Variants in SLC9A4 observed in about 807,000 individuals in gnomAD.
The protein encoded by SLC9A4 is sodium/hydrogen exchanger 4.
A neutral mutation model predicts 67.4 loss-of-function variants in SLC9A4; 63 were observed. The observed-to-expected ratio is 0.93, with a 90% CI of 0.76 to 1.15. The LOEUF (loss-of-function observed/expected upper bound fraction) is 1.15, where lower values mean the gene tolerates loss of function less well. Among genes scored for constraint, SLC9A4 ranks in the 50% most tolerant of loss-of-function variants. The probability of loss-of-function intolerance (pLI) is 0.00; values close to 1 mark genes in which losing one functional copy is unlikely to be tolerated. For missense variants in SLC9A4, 1,089 were observed against 987.7 expected, an observed-to-expected ratio of 1.10 and a Z score of -1.38; for synonymous variants, 393 against 367.2, an observed-to-expected ratio of 1.07 and a Z score of -0.80.
At chr2:102,492,811 T>C (rs1426652364) in intron 2 of SLC9A4, among the ~76,000 whole-genome samples, 8 of 152,252 alleles carry the variant, frequency 5.3e-5, no homozygotes, top group Non-Finnish European at 1.0e-4. Flanking sequence ...TTTTTTTCTT[T>C]TTTAGCTCAT....
Position 102,532,904 on chromosome 2 carries a change from T to G in SLC9A4, c.*216T>G. The stretch of plus-strand genomic sequence containing the variant: ...TTATTGTGGGGTACCTTTAGATGAA[T>G]TCCCTGTGAGTGAGAGAAGTTGATC... On this transcript the variant is annotated 3_prime_UTR_variant, in exon 12 of 12. Transcript: ENST00000295269. 1 of 472,114 alleles carries G rather than the reference T, an allele frequency of 2.1e-6. No individual in the cohort carries two copies. Among genetic ancestry groups the G allele is most frequent in the African/African-American group, 1.9e-5 (1 of 51,952 alleles). 29.2% of individuals were successfully genotyped at this position (472,114 alleles called of 1,614,324 possible).
chr2:102,531,680 A>C (rs1227687446), intron 11 of SLC9A4, among the ~76,000 whole-genome samples: 2 of 152,228 alleles, frequency 1.3e-5, no homozygotes, highest in Non-Finnish European at 2.9e-5. Context: ...ATTCAATGGC[A>C]TGATATATTT....
intron 9 of SLC9A4, among the ~76,000 whole-genome samples, chr2:102,520,400 C>T (rs1239847420): frequency 6.6e-6 from 1 of 152,058 alleles, no homozygotes; most frequent in Non-Finnish European, 1.5e-5. Context: ...TGAATAAATG[C>T]CTGAATAAAA....
At chr2:102,493,835 T>G (rs752194532) in intron 2 of SLC9A4, among the ~76,000 whole-genome samples, 1 of 151,880 alleles carries the variant, frequency 6.6e-6, no homozygotes, top group Non-Finnish European at 1.5e-5. Flanking sequence ...ATTATGTTTG[T>G]GACAGAAAAA....
intron 2 of SLC9A4, among the ~76,000 whole-genome samples, chr2:102,489,314 T>C (rs879308524): frequency 6.6e-6 from 1 of 152,040 alleles, no homozygotes; most frequent in African/African-American, 2.4e-5. Context: ...AGGTGGATGA[T>C]AGTATTAGGT....
intron 2 of SLC9A4, among the ~76,000 whole-genome samples, chr2:102,483,841 T>TATATATATATATACAC (rs370126753): frequency 2.4e-5 from 3 of 126,782 alleles, no homozygotes; most frequent in African/African-American, 9.3e-5. Context: ...TATATATATA[T>TATATATATATATACAC]ACACACACAC....
chr2:102,501,243 T>A (rs1684933781), intron 2 of SLC9A4, among the ~76,000 whole-genome samples: 1 of 151,984 alleles, frequency 6.6e-6, no homozygotes, highest in Admixed American at 6.6e-5. Flanking sequence ...TGCCTCAGTC[T>A]CCTAAGTAGC....
intron 2 of SLC9A4, among the ~76,000 whole-genome samples, chr2:102,502,119 G>A (rs1007723593): frequency 2.6e-5 from 4 of 152,040 alleles, no homozygotes; most frequent in African/African-American, 7.3e-5. Flanking sequence ...CTGTGATTTC[G>A]CAGGACTCTT....
At position 102,532,360 on chromosome 2, in the gene SLC9A4, C is replaced by T. The variant is rs759168101; in HGVS notation, c.2069C>T (p.Ser690Phe). 6.2e-7 allele frequency: 1 copy of T among 1,613,734 alleles called. No individual in the cohort carries two copies. The highest frequency in any genetic ancestry group is 1.7e-5 in the Admixed American group (1 of 59,984). The change falls in exon 12 of 12, where the codon TCC (serine) becomes TTC (phenylalanine). Residue 690 changes from serine to phenylalanine, a missense_variant. Physicochemically the swap from Ser to Phe is radical, Grantham distance 155 (BLOSUM62 -2). Transcript: ENST00000295269. The part of the protein sequence containing the change: ...DDDSSDPGSP[S>F]ITFSACSRIG... Reference sequence around the variant, plus strand: ...GACAGCAGTGATCCAGGATCCCCATCCATCACGTTCAGCGCATGCTCTCGG... The same window carrying T: ...GACAGCAGTGATCCAGGATCCCCATTCATCACGTTCAGCGCATGCTCTCGG...
chr2:102,521,884 AGTTTGACT>A lies in SLC9A4; in HGVS notation c.1818+1930_1818+1937del, dbSNP rs1349464263. On this transcript the variant is annotated intron_variant, in intron 9 of 11. Transcript: ENST00000295269. ...CAGAGCAGGACCAGGATGAATGCAGAGTTTGACTCTGGGCGACCCTAATGCACAGTTGA... is the reference window on the plus strand; with the variant it reads ...CAGAGCAGGACCAGGATGAATGCAGACTGGGCGACCCTAATGCACAGTTGA... Among the ~76,000 whole-genome samples, 17 of 152,290 alleles carry A rather than the reference AGTTTGACT, an allele frequency of 1.1e-4. 2 individuals carry two copies. In the Middle Eastern group the frequency reaches 0.014, roughly 122 times the overall value.
rs185729060 is a variant in SLC9A4, at chr2:102,505,679, T to C, written c.1198+208T>C. On this transcript the variant is annotated intron_variant, in intron 4 of 11. Coordinates refer to ENST00000295269, the MANE Select transcript of SLC9A4 (RefSeq NM_001011552.4). The stretch of plus-strand genomic sequence containing the variant: ...AATTAGTGGTTGATAAGGTTCTGCA[T>C]TGAAGCAAGGCTGGGGCAAGGAGTA... 1.6e-4 allele frequency: 85 copies of C among 526,444 alleles called. 1 individual carries two copies. Among genetic ancestry groups the C allele is most frequent in the East Asian group, 1.0e-3 (35 of 34,152 alleles). 32.6% of individuals were successfully genotyped at this position (526,444 alleles called of 1,614,324 possible).
rs1401020907 is a variant in SLC9A4 at position 102,532,932 on chromosome 2, C to T, written c.*244C>T. 2.5e-6 allele frequency: 1 copy of T among 394,044 alleles called. No individual in the cohort carries two copies. The highest frequency in any genetic ancestry group is 4.6e-6 in the Non-Finnish European group (1 of 218,594). The allele number at this position is 394,044 out of a possible 1,614,324, so 24.4% of individuals were successfully genotyped here. A position where few individuals can be genotyped will look rare whatever the true frequency, so the allele number is the denominator to read the frequency against. ...CCTGTGAGTGAGAGAAGTTGATCACCCCAGGAATTAGTCACTAAGAATTCC... is the reference window on the plus strand; with the variant it reads ...CCTGTGAGTGAGAGAAGTTGATCACTCCAGGAATTAGTCACTAAGAATTCC... On this transcript the variant is annotated 3_prime_UTR_variant, in exon 12 of 12. Coordinates refer to ENST00000295269, the MANE Select transcript of SLC9A4 (RefSeq NM_001011552.4).
At chr2:102,481,312 A>G (rs1197454102) in intron 2 of SLC9A4, among the ~76,000 whole-genome samples, 1 of 152,182 alleles carries the variant, frequency 6.6e-6, no homozygotes, top group East Asian at 1.9e-4. Context: ...GACAAGGGAC[A>G]TTGTTTCCTT....
intron 1 of SLC9A4, among the ~76,000 whole-genome samples, chr2:102,474,816 T>G (rs1032110438): frequency 2.0e-5 from 3 of 152,250 alleles, no homozygotes; most frequent in African/African-American, 7.2e-5. Context: ...ATGCCTCCTT[T>G]GCCTCAGCTA....
At position 102,532,391 on chromosome 2, in the gene SLC9A4, G is replaced by T. The variant is rs75891521; in HGVS notation, c.2100G>T (p.Gly700=). 6.2e-7 allele frequency: 1 copy of T among 1,614,178 alleles called. No individual in the cohort carries two copies. Among genetic ancestry groups the T allele is most frequent in the East Asian group, 2.2e-5 (1 of 44,884 alleles). The change falls in exon 12 of 12, where the codon GGG becomes GGT. Residue 700 remains glycine, a synonymous_variant. Coordinates refer to ENST00000295269, the MANE Select transcript of SLC9A4 (RefSeq NM_001011552.4). The part of the protein sequence containing the change: ...SITFSACSRI[G]SLQKQEAQEI... ...CGTTCAGCGCATGCTCTCGGATAGG[G>T]TCACTTCAGAAGCAAGAGGCACAAG...
intron 8 of SLC9A4, among the ~76,000 whole-genome samples, chr2:102,516,654 T>G (rs1685283621): frequency 6.6e-6 from 1 of 152,214 alleles, no homozygotes; most frequent in South Asian, 2.1e-4. Context: ...TGATGTTGAT[T>G]TTTTGGAATC....
At chr2:102,501,878 G>C (rs2072509) in intron 2 of SLC9A4, among the ~76,000 whole-genome samples, 107,036 of 151,062 alleles carry the variant, frequency 0.71, 38,610 homozygotes, top group Middle Eastern at 0.77. Flanking sequence ...AGCAGAAGGC[G>C]TGGGTGAGCC....
intron 2 of SLC9A4, among the ~76,000 whole-genome samples, chr2:102,482,828 C>T (rs778027641): frequency 1.3e-4 from 20 of 152,212 alleles, no homozygotes; most frequent in Non-Finnish European, 2.4e-4. Context: ...CTTTAATTTT[C>T]ACAGCATATT....
chr2:102,507,265 C>A (rs976573197), intron 4 of SLC9A4, among the ~76,000 whole-genome samples: 11 of 152,226 alleles, frequency 7.2e-5, no homozygotes, highest in African/African-American at 2.7e-4. Flanking sequence ...TCAAAGAATG[C>A]TTGCTGGCAA....
Sources: gnomAD v4.1 joint callset for allele counts (sites outside exome capture counted in the v4.1 genomes callset) on GRCh38, gnomAD v4.1.1 for gene constraint, MANE v1.5 for transcripts, NCBI Gene and HGNC (gene_info 2026-07-23, HGNC 2026-07-21) for gene names.